The following SUSD1 variants were observed in gnomAD, a reference collection of about 807,000 sequenced individuals.
SUSD1 encodes sushi domain containing 1.
A neutral mutation model predicts 86.9 loss-of-function variants in SUSD1; 65 were observed. The ratio of observed to expected loss-of-function variants is 0.75; its 90% CI spans 0.61 to 0.92. The LOEUF (loss-of-function observed/expected upper bound fraction) is 0.92, where lower values mean the gene tolerates loss of function less well. Among genes scored for constraint, SUSD1 ranks in the 40% least tolerant of loss-of-function variants. SUSD1 has a pLI of 0.00. For missense variants in SUSD1, 850 were observed against 929.7 expected, an observed-to-expected ratio of 0.91 and a Z score of 1.11; for synonymous variants, 346 against 350.0, an observed-to-expected ratio of 0.99 and a Z score of 0.13.
chr9:112,112,988 G>A, intron 6 of SUSD1, 120 bp from the exon 7 acceptor site: 1 of 653,500 alleles, frequency 1.5e-6, no homozygotes, highest in Non-Finnish European at 2.7e-6. Context: ...ATCCTCAGAG[G>A]CAGACACTGA....
At chr9:112,072,162 T>G (rs1475802774) in intron 12 of SUSD1, among the ~76,000 whole-genome samples, 1 of 147,334 alleles carries the variant, frequency 6.8e-6, no homozygotes, top group African/African-American at 2.5e-5. Context: ...TTTTTGTTTT[T>G]TTTTTTGAGA....
At chr9:112,141,741 TATTACATGTAA>T (rs923777870) in intron 5 of SUSD1, among the ~76,000 whole-genome samples, 2 of 128,682 alleles carry the variant, frequency 1.6e-5, no homozygotes, top group Non-Finnish European at 3.1e-5. Context: ...ATATAATATA[TATTACATGTAA>T]TATATAATAT....
At chr9:112,074,968 G>T (rs1206449052) in intron 12 of SUSD1, among the ~76,000 whole-genome samples, 1 of 152,002 alleles carries the variant, frequency 6.6e-6, no homozygotes, top group Non-Finnish European at 1.5e-5. Context: ...GGGAACTTGA[G>T]CCACTAAAGC....
intron 10 of SUSD1, among the ~76,000 whole-genome samples, chr9:112,084,417 A>T (rs1024659108): frequency 6.6e-6 from 1 of 152,162 alleles, no homozygotes; most frequent in Admixed American, 6.5e-5. Context: ...AAAATGAAGA[A>T]TAATATATAT....
At chr9:112,172,759 C>A (rs1480328076) in intron 1 of SUSD1, among the ~76,000 whole-genome samples, 1 of 152,126 alleles carries the variant, frequency 6.6e-6, no homozygotes, top group Non-Finnish European at 1.5e-5. Context: ...ACATTCAGTC[C>A]GTTTCTGCTG....
At chr9:112,081,420 G>A (rs1024755528) in intron 10 of SUSD1, among the ~76,000 whole-genome samples, 1 of 152,172 alleles carries the variant, frequency 6.6e-6, no homozygotes, top group Non-Finnish European at 1.5e-5. Flanking sequence ...GGAGCAGGTA[G>A]GGAACAGGAG....
chr9:112,128,122 TCA>T (rs1250246786), intron 5 of SUSD1, among the ~76,000 whole-genome samples: 2 of 152,206 alleles, frequency 1.3e-5, no homozygotes, highest in Non-Finnish European at 2.9e-5. Context: ...TGAGACAGTC[TCA>T]CTCTGTTGCC....
intron 1 of SUSD1, among the ~76,000 whole-genome samples, chr9:112,166,380 T>C (rs945625264): frequency 2.0e-5 from 3 of 152,220 alleles, no homozygotes; most frequent in Non-Finnish European, 4.4e-5. Flanking sequence ...TCATGCTTCC[T>C]GGCAATCCTG....
Position 112,111,644 on chromosome 9 carries a change from C to T in SUSD1, c.1171+10G>A. ...TTTCTAGGAGGAAATGAGACTTCAC[C>T]TCCACCTACCAGCTGTCTGGAAACC... On this transcript the variant is annotated intron_variant, in intron 8 of 16. Coordinates refer to ENST00000374270, the MANE Select transcript of SUSD1 (RefSeq NM_022486.5). 3.1e-6 allele frequency: 5 copies of T among 1,611,014 alleles called. No individual in the cohort carries two copies. Among genetic ancestry groups the T allele is most frequent in the Non-Finnish European group, 4.2e-6 (5 of 1,178,652 alleles).
At chr9:112,115,821 AAAG>A (rs1445791933) in intron 6 of SUSD1, among the ~76,000 whole-genome samples, 3 of 19,980 alleles carry the variant, frequency 1.5e-4, no homozygotes, top group African/African-American at 4.5e-4. Context: ...AAAAAAAAAA[AAAG>A]AAAAAAAAAA....
intron 12 of SUSD1, among the ~76,000 whole-genome samples, chr9:112,064,097 C>G (rs557709395): frequency 6.6e-6 from 1 of 152,070 alleles, no homozygotes; most frequent in East Asian, 1.9e-4. Context: ...TGATTTCCCA[C>G]CTCCCAGTCC....
In SUSD1 at chr9:112,142,408, G is replaced by A. The variant is rs1453889073; in HGVS notation, c.618C>T (p.Cys206=). 1.2e-6 allele frequency: 2 copies of A among 1,614,030 alleles called. No homozygotes were observed. The highest frequency in any genetic ancestry group is 2.2e-5 in the South Asian group (2 of 91,062). Residue 206 remains cysteine (C), a synonymous_variant, in exon 5 of 17, where the codon TGC becomes TGT. Transcript: ENST00000374270. ...CTGGAACACTGAAGAATCCTTCTCT[G>A]CAAGCATAACGAACCTGGCTGCCCA... ...SSLGSQVRYA[C]REGFFSVPED...
chr9:112,092,765 T>A (rs942941739), intron 10 of SUSD1, among the ~76,000 whole-genome samples: 1 of 152,154 alleles, frequency 6.6e-6, no homozygotes, highest in Non-Finnish European at 1.5e-5. Flanking sequence ...TGAATCACAA[T>A]GGAAAAGATC....
At chr9:112,155,147 A>G (rs1257365662) in intron 2 of SUSD1, among the ~76,000 whole-genome samples, 1 of 151,912 alleles carries the variant, frequency 6.6e-6, no homozygotes, top group Non-Finnish European at 1.5e-5. Flanking sequence ...GCTACTCGGG[A>G]GGCTGAGGCA....
chr9:112,147,291 G>A (rs981684852), intron 3 of SUSD1, among the ~76,000 whole-genome samples: 4 of 151,784 alleles, frequency 2.6e-5, no homozygotes, highest in Non-Finnish European at 4.4e-5. Flanking sequence ...TGAATCAGCC[G>A]AGGTCAGGAC....
intron 8 of SUSD1, among the ~76,000 whole-genome samples, chr9:112,109,491 C>G (rs116143129): frequency 1.4e-3 from 206 of 152,326 alleles, no homozygotes; most frequent in African/African-American, 4.7e-3. Context: ...GATGGCTCAA[C>G]ATAAATCCTA....
intron 4 of SUSD1, among the ~76,000 whole-genome samples, chr9:112,143,066 C>G (rs1832652019): frequency 7.3e-6 from 1 of 137,148 alleles, no homozygotes; most frequent in Non-Finnish European, 1.5e-5. Flanking sequence ...CTCATTGCAA[C>G]CTCTGTCTCC....
At chr9:112,106,097 C>G (rs1013480466) in intron 8 of SUSD1, among the ~76,000 whole-genome samples, 6 of 152,260 alleles carry the variant, frequency 3.9e-5, no homozygotes, top group Middle Eastern at 6.8e-3. Flanking sequence ...TCAAGCAATT[C>G]TCGTGCCTAA....
intron 1 of SUSD1, among the ~76,000 whole-genome samples, chr9:112,174,670 C>T (rs1834189577): frequency 6.6e-6 from 1 of 152,234 alleles, no homozygotes; most frequent in Admixed American, 6.5e-5. Context: ...ATCCGGCTCT[C>T]TAACAACGTG....
Sources: allele counts gnomAD v4.1 joint callset (sites outside exome capture counted in the v4.1 genomes callset), GRCh38; gene constraint gnomAD v4.1.1; transcripts MANE v1.5; gene names NCBI Gene and HGNC (gene_info 2026-07-23, HGNC 2026-07-21).